The following RPRD1A variants were observed in gnomAD, a reference collection of about 807,000 sequenced individuals.
The protein encoded by RPRD1A is regulation of nuclear pre-mRNA domain containing 1A, also known as regulation of nuclear pre-mRNA domain-containing protein 1A.
Under a neutral mutation model 37.8 loss-of-function variants are expected in RPRD1A, and 9 were observed. That is an observed-to-expected ratio of 0.24 (90% CI 0.14 to 0.42). The LOEUF (loss-of-function observed/expected upper bound fraction) is 0.42. RPRD1A is among the 10% of genes least tolerant of loss of function. The pLI is 1.00. For missense variants in RPRD1A, 255 were observed against 371.0 expected, an observed-to-expected ratio of 0.69 and a Z score of 2.57; for synonymous variants, 138 against 139.7, an observed-to-expected ratio of 0.99 and a Z score of 0.08.
intron 2 of RPRD1A, among the ~76,000 whole-genome samples, chr18:36,032,033 T>C (rs1000715034): frequency 2.1e-4 from 32 of 152,360 alleles, no homozygotes; most frequent in African/African-American, 7.0e-4. Context: ...CCTTTCTGCC[T>C]AGTCAAATGG....
At chr18:36,003,293 G>C (rs1909534210) in intron 6 of RPRD1A, among the ~76,000 whole-genome samples, 1 of 152,170 alleles carries the variant, frequency 6.6e-6, no homozygotes, top group South Asian at 2.1e-4. Context: ...TGGTTTATTA[G>C]TGTAGTTTAA....
intron 1 of RPRD1A, among the ~76,000 whole-genome samples, chr18:36,035,892 T>C (rs187088219): frequency 1.5e-4 from 23 of 151,900 alleles, no homozygotes; most frequent in Admixed American, 1.2e-3. Context: ...CTCAAATTCA[T>C]AGAAAAAAAG....
chr18:36,037,616 T>C (rs1032301431), intron 1 of RPRD1A, among the ~76,000 whole-genome samples: 1 of 152,174 alleles, frequency 6.6e-6, no homozygotes, highest in African/African-American at 2.4e-5. Flanking sequence ...GGAAGCCACT[T>C]TGGAACTGGG....
intron 1 of RPRD1A, 95 bp downstream of exon 1, chr18:36,067,159 C>A: frequency 2.2e-6 from 3 of 1,383,004 alleles, no homozygotes; most frequent in Non-Finnish European, 2.9e-6. Flanking sequence ...CATCCCGACG[C>A]CGGGAAGCCG....
intron 1 of RPRD1A, among the ~76,000 whole-genome samples, chr18:36,058,208 A>G (rs1444464610): frequency 1.3e-5 from 2 of 151,900 alleles, no homozygotes; most frequent in African/African-American, 4.8e-5. Flanking sequence ...ACACCCTGTT[A>G]ATTTTTGTAT....
intron 1 of RPRD1A, among the ~76,000 whole-genome samples, chr18:36,036,078 C>T (rs898772015): frequency 3.3e-5 from 5 of 151,680 alleles, no homozygotes; most frequent in African/African-American, 1.2e-4. Context: ...ATATTTATTA[C>T]CACAAAAACA....
chr18:36,031,024 T>G lies in RPRD1A; in HGVS notation c.355A>C (p.Asn119His). ...TGTTTAAGTTGTTCTAATACATCATTTTCATAAACAGACCTTTCTTCCCAA... is the reference window on the plus strand; with the variant it reads ...TGTTTAAGTTGTTCTAATACATCATGTTCATAAACAGACCTTTCTTCCCAA... ...SIWEERSVYE[N>H]DVLEQLKQAL... The change falls in exon 3 of 7, where the codon AAT (asparagine) becomes CAT (histidine). Residue 119 changes from asparagine (N) to histidine (H), a missense_variant. This residue lies in a region of RPRD1A where 211 missense variants were observed against 268.9 expected (regional missense o/e 0.78). Transcript: ENST00000399022. 1 of 1,599,084 alleles carries G rather than the reference T, an allele frequency of 6.3e-7. No homozygotes were observed. Among genetic ancestry groups the G allele is most frequent in the Middle Eastern group, 1.7e-4 (1 of 5,978 alleles).
intron 1 of RPRD1A, among the ~76,000 whole-genome samples, chr18:36,061,412 G>A (rs1288463923): frequency 6.6e-6 from 1 of 152,120 alleles, no homozygotes; most frequent in African/African-American, 2.4e-5. Flanking sequence ...TGGTACAAAG[G>A]ATACAATCAC....
At position 35,991,011 on chromosome 18, in the gene RPRD1A, A is replaced by C. The variant is rs1908690576; in HGVS notation, c.*2140T>G. The C allele has an allele frequency of 6.6e-6, 1 of 152,130 alleles. No individual in the cohort carries two copies. Among genetic ancestry groups the C allele is most frequent in the Non-Finnish European group, 1.5e-5 (1 of 68,024 alleles). The allele number at this position is 152,130 out of a possible 1,614,324, so 9.4% of individuals were successfully genotyped here. A position where few individuals can be genotyped will look rare whatever the true frequency, so the allele number is the denominator to read the frequency against. ...ATCAAGCTCTTTAAAAAAATAATGC[A>C]TTTTTATCATAAATATTTAGAGCAG... On this transcript the variant is annotated 3_prime_UTR_variant, in exon 7 of 7. Transcript: ENST00000399022.
chr18:36,057,659 T>C (rs1913889865), intron 1 of RPRD1A, among the ~76,000 whole-genome samples: 1 of 152,212 alleles, frequency 6.6e-6, no homozygotes, highest in Non-Finnish European at 1.5e-5. Context: ...TGTATTATCC[T>C]GTCTACCTCC....
In RPRD1A at chr18:36,029,485, A is replaced by C. The variant is rs543153841; in HGVS notation, c.486+1323T>G. 4.6e-5 allele frequency among the ~76,000 whole-genome samples: 7 copies of C among 152,338 alleles called. No individual in the cohort carries two copies. The South Asian group carries it at 1.4e-3, about 32-fold the overall frequency. ...TTGTCTCACCTATGAAGTTAGGTGT[A>C]CAATTTCTAACCCATGAAAATACAT... is the stretch of plus-strand genomic sequence containing the variant. On this transcript the variant is annotated intron_variant, in intron 4 of 6. Transcript: ENST00000399022.
intron 1 of RPRD1A, among the ~76,000 whole-genome samples, chr18:36,051,679 T>G (rs1053226605): frequency 4.6e-5 from 7 of 152,018 alleles, no homozygotes; most frequent in Non-Finnish European, 1.0e-4. Context: ...AATAAGAAAT[T>G]CAACACATTA....
chr18:36,055,553 T>C (rs1913704684), intron 1 of RPRD1A, among the ~76,000 whole-genome samples: 1 of 152,178 alleles, frequency 6.6e-6, no homozygotes, highest in Non-Finnish European at 1.5e-5. Flanking sequence ...CTTAAACAAA[T>C]ACACATTTAA....
chr18:36,024,852 A>T (rs887319663), intron 6 of RPRD1A: 2 of 152,258 alleles, frequency 1.3e-5, no homozygotes, highest in Admixed American at 1.3e-4. Context: ...TCTACAAAGG[A>T]ATAACATAGT....
chr18:36,050,805 A>G (rs1913326593), intron 1 of RPRD1A, among the ~76,000 whole-genome samples: 1 of 151,706 alleles, frequency 6.6e-6, no homozygotes. Context: ...TCAGCTTCCA[A>G]AAGTGTTGGG....
At chr18:35,994,617 T>A (rs1908913753) in intron 6 of RPRD1A, among the ~76,000 whole-genome samples, 1 of 152,166 alleles carries the variant, frequency 6.6e-6, no homozygotes, top group Non-Finnish European at 1.5e-5. Context: ...AGTTCATTTT[T>A]AAGCATGATA....
intron 1 of RPRD1A, among the ~76,000 whole-genome samples, chr18:36,040,481 TTAAAC>T (rs1157528071): frequency 6.6e-5 from 10 of 152,198 alleles, no homozygotes; most frequent in Non-Finnish European, 1.5e-4. Flanking sequence ...AAGGGAAGAC[TTAAAC>T]TAAACACCAA....
chr18:36,048,049 A>C (rs950618192), intron 1 of RPRD1A, among the ~76,000 whole-genome samples: 2 of 150,868 alleles, frequency 1.3e-5, no homozygotes, highest in East Asian at 1.9e-4. Context: ...TCATTAATAC[A>C]GATGTACCCA....
intron 1 of RPRD1A, among the ~76,000 whole-genome samples, chr18:36,052,097 A>G (rs550872515): frequency 1.3e-5 from 2 of 151,476 alleles, no homozygotes; most frequent in East Asian, 3.9e-4. Context: ...TTAAAACCCA[A>G]TTTCTCATCA....
Sources: allele counts gnomAD v4.1 joint callset (sites outside exome capture counted in the v4.1 genomes callset), GRCh38; gene constraint gnomAD v4.1.1; regional missense constraint gnomAD v4.1.1; transcripts MANE v1.5; gene names NCBI Gene and HGNC (gene_info 2026-07-23, HGNC 2026-07-21).